SAP130: variants seen among roughly 807,000 people sequenced by gnomAD.
SAP130 encodes Sin3A associated protein 130.
Under a neutral mutation model 103.2 loss-of-function variants are expected in SAP130, and 16 were observed. The observed-to-expected ratio is 0.16, with a 90% confidence interval of 0.10 to 0.24. The LOEUF is 0.24. Ranked by LOEUF, SAP130 falls within the 10% of genes least tolerant of loss-of-function variation. The pLI is 1.00. For missense variants in SAP130, 990 were observed against 1,359.7 expected, an observed-to-expected ratio of 0.73 and a Z score of 4.28; for synonymous variants, 477 against 497.0, an observed-to-expected ratio of 0.96 and a Z score of 0.53.
At chr2:128,026,545 C>T (rs955621420) in intron 1 of SAP130, among the ~76,000 whole-genome samples, 33 of 152,130 alleles carry the variant, frequency 2.2e-4, no homozygotes, top group African/African-American at 7.5e-4. Context: ...TTGTGGATTG[C>T]TATGCTAAAA....
At chr2:128,008,180 A>C (rs1372559660) in intron 7 of SAP130, among the ~76,000 whole-genome samples, 1 of 152,158 alleles carries the variant, frequency 6.6e-6, no homozygotes, top group Non-Finnish European at 1.5e-5. Flanking sequence ...CTATTGCCAA[A>C]GGCTCCCTTC....
In SAP130 at chr2:127,949,849, G is replaced by C. The variant is rs754356626; in HGVS notation, c.2797+20C>G. On this transcript the variant is annotated intron_variant, in intron 18 of 20. Coordinates refer to ENST00000643581, the MANE Select transcript of SAP130 (RefSeq NM_001330301.2). Reference sequence around the variant, plus strand: ...CACCAATTTCATGCATTAATATCAAGTGTTTCTGGGGAAACTAACCTTTGA... The same window carrying C: ...CACCAATTTCATGCATTAATATCAACTGTTTCTGGGGAAACTAACCTTTGA... 2 of 1,612,366 alleles carry C rather than the reference G, an allele frequency of 1.2e-6. No homozygotes were observed. Among genetic ancestry groups the C allele is most frequent in the East Asian group, 2.2e-5 (1 of 44,828 alleles).
chr2:128,012,841 C>T (rs1465327712), intron 6 of SAP130, among the ~76,000 whole-genome samples, 189 bp downstream of exon 6: 1 of 151,362 alleles, frequency 6.6e-6, no homozygotes, highest in Non-Finnish European at 1.5e-5. Flanking sequence ...CACAGCCTTT[C>T]CAACAGGAAG....
At chr2:127,960,080 G>C (rs1293941380) in intron 15 of SAP130, among the ~76,000 whole-genome samples, 1 of 152,240 alleles carries the variant, frequency 6.6e-6, no homozygotes, top group South Asian at 2.1e-4. Flanking sequence ...GGCCGAAGAT[G>C]GATCAGTATT....
At chr2:128,011,800 CTAGAT>C (rs1450781824) in intron 6 of SAP130, among the ~76,000 whole-genome samples, 1 of 152,158 alleles carries the variant, frequency 6.6e-6, no homozygotes, top group African/African-American at 2.4e-5. Context: ...TGTGATTCAG[CTAGAT>C]TAATCTTATC....
At chr2:127,985,295 C>T (rs1342148949) in intron 14 of SAP130, among the ~76,000 whole-genome samples, 2 of 152,164 alleles carry the variant, frequency 1.3e-5, no homozygotes, top group Non-Finnish European at 2.9e-5. Context: ...TAAAAAAGTA[C>T]AAAGTATTCA....
chr2:127,950,503 G>A (rs932031122), intron 16 of SAP130, 95 bp from the exon 17 acceptor site: 1 of 1,367,642 alleles, frequency 7.3e-7, no homozygotes, highest in Non-Finnish European at 1.0e-6. Context: ...TAAGAAGACA[G>A]CACAGAGCAC....
chr2:127,961,351 T>C (rs1680235097), intron 15 of SAP130, among the ~76,000 whole-genome samples: 1 of 151,546 alleles, frequency 6.6e-6, no homozygotes, highest in Non-Finnish European at 1.5e-5. Flanking sequence ...TCTTGCTATG[T>C]TGCCCAGGCT....
At chr2:127,967,055 C>T (rs372404526) in intron 15 of SAP130, among the ~76,000 whole-genome samples, 1 of 152,114 alleles carries the variant, frequency 6.6e-6, no homozygotes, top group African/African-American at 2.4e-5. Flanking sequence ...AAATCCAAAA[C>T]AAGACAAAGG....
At chr2:127,943,154 T>C (rs780409867) in intron 19 of SAP130, among the ~76,000 whole-genome samples, 2 of 152,228 alleles carry the variant, frequency 1.3e-5, no homozygotes, top group African/African-American at 2.4e-5. Flanking sequence ...CCAAGTTTCA[T>C]AGAAGTGATT....
intron 1 of SAP130, chr2:128,027,024 C>A: frequency 7.6e-7 from 1 of 1,320,586 alleles, no homozygotes; most frequent in East Asian, 2.8e-5. Flanking sequence ...AGACCCCCGT[C>A]TCCGGGGTGG....
intron 12 of SAP130, among the ~76,000 whole-genome samples, chr2:127,990,174 T>C (rs148095774): frequency 6.6e-6 from 1 of 152,170 alleles, no homozygotes; most frequent in African/African-American, 2.4e-5. Flanking sequence ...ATAATTAATA[T>C]AAAACGTCAG....
At chr2:127,995,357 G>A (rs998994408) in intron 11 of SAP130, among the ~76,000 whole-genome samples, 1 of 152,164 alleles carries the variant, frequency 6.6e-6, no homozygotes, top group Non-Finnish European at 1.5e-5. Flanking sequence ...GAATAGAGGG[G>A]ATGGGGCGAA....
intron 15 of SAP130, among the ~76,000 whole-genome samples, chr2:127,974,000 C>T (rs1681276587): frequency 6.6e-6 from 1 of 152,062 alleles, no homozygotes; most frequent in Admixed American, 6.6e-5. Flanking sequence ...GAGATTGCAC[C>T]ACTACACTCC....
intron 2 of SAP130, among the ~76,000 whole-genome samples, chr2:128,018,478 G>A (rs1313938209): frequency 1.2e-5 from 1 of 82,076 alleles, no homozygotes; most frequent in Non-Finnish European, 2.0e-5. Context: ...GAGGAAGATT[G>A]TCTCCAAAAA....
chr2:128,008,528 CTTTTTT>C (rs76018250), intron 7 of SAP130, among the ~76,000 whole-genome samples: 27 of 137,228 alleles, frequency 2.0e-4, no homozygotes, highest in African/African-American at 7.1e-4. Flanking sequence ...CCACGCTTAC[CTTTTTT>C]TTTTTTTTTT....
At chr2:127,999,221 T>C (rs751467707) in intron 10 of SAP130, among the ~76,000 whole-genome samples, 4 of 152,104 alleles carry the variant, frequency 2.6e-5, no homozygotes, top group Non-Finnish European at 5.9e-5. Flanking sequence ...GGTACTACCA[T>C]TATTCCAGAA....
chr2:127,994,362 A>C (rs1449285474), intron 11 of SAP130, among the ~76,000 whole-genome samples: 1 of 152,148 alleles, frequency 6.6e-6, no homozygotes, highest in Non-Finnish European at 1.5e-5. Flanking sequence ...AGGCTGAGGC[A>C]GGCAGGCTAT....
At chr2:127,998,586 A>G (rs573865565) in intron 10 of SAP130, among the ~76,000 whole-genome samples, 2 of 152,364 alleles carry the variant, frequency 1.3e-5, no homozygotes, top group South Asian at 4.1e-4. Flanking sequence ...TATTGGGGTT[A>G]GCATAAAAGA....
Sources: allele counts gnomAD v4.1 joint callset (sites outside exome capture counted in the v4.1 genomes callset), GRCh38; gene constraint gnomAD v4.1.1; transcripts MANE v1.5; gene names NCBI Gene and HGNC (gene_info 2026-07-23, HGNC 2026-07-21).